Variants in RSF1 observed in about 807,000 individuals in gnomAD.
RSF1 encodes remodeling and spacing factor 1.
In RSF1, 13 loss-of-function variants were observed where a neutral mutation model predicts 145.2. The ratio of observed to expected loss-of-function variants is 0.09; its 90% CI spans 0.06 to 0.14. RSF1 has a LOEUF of 0.14. Ranked by LOEUF, RSF1 falls within the 10% of genes least tolerant of loss-of-function variation. RSF1 has a pLI of 1.00. For synonymous variants in RSF1, 577 were observed against 592.6 expected (o/e 0.97, Z 0.38); for missense variants, 1,517 against 1,718.2 (o/e 0.88, Z 2.07).
the RSF1 span, among the ~76,000 whole-genome samples, chr11:77,827,701 G>A: frequency 2.0e-5 from 3 of 152,080 alleles, no homozygotes; most frequent in South Asian, 6.2e-4. Flanking sequence ...CCCTCCTAAG[G>A]TCAGGAACAA....
the RSF1 span, chr11:77,869,864 T>G: frequency 3.0e-5 from 46 of 1,558,808 alleles, no homozygotes; most frequent in African/African-American, 4.1e-5. Flanking sequence ...TGGGGATCTC[T>G]TGGGCCTTTG....
intron 5 of RSF1, among the ~76,000 whole-genome samples, chr11:77,704,231 G>A (rs1176561546): frequency 2.0e-5 from 3 of 152,122 alleles, no homozygotes; most frequent in African/African-American, 7.2e-5. Context: ...GGAGTTCAAG[G>A]TTAACCCTGA....
At chr11:77,704,861 T>C (rs573176325) in intron 5 of RSF1, among the ~76,000 whole-genome samples, 49 of 151,610 alleles carry the variant, frequency 3.2e-4, no homozygotes, top group African/African-American at 1.2e-3. Flanking sequence ...CAAGCGATTC[T>C]CTTGCCTCAG....
At chr11:77,854,719 C>T in the RSF1 span, among the ~76,000 whole-genome samples, 1 of 152,138 alleles carries the variant, frequency 6.6e-6, no homozygotes, top group African/African-American at 2.4e-5. Context: ...ATGGTGCAAG[C>T]CGTTGGTGGA....
chr11:77,857,758 G>A, the RSF1 span, among the ~76,000 whole-genome samples: 8 of 150,390 alleles, frequency 5.3e-5, no homozygotes, highest in African/African-American at 9.8e-5. Context: ...GGGCATTGGC[G>A]TAATCTTGGC....
At chr11:77,789,750 C>G (rs1948498008) in intron 1 of RSF1, among the ~76,000 whole-genome samples, 1 of 152,242 alleles carries the variant, frequency 6.6e-6, no homozygotes, top group South Asian at 2.1e-4. Flanking sequence ...CCTGCACACA[C>G]CAACAGGGAG....
At chr11:77,810,445 C>A (rs1253796687) in intron 1 of RSF1, among the ~76,000 whole-genome samples, 1 of 152,218 alleles carries the variant, frequency 6.6e-6, no homozygotes, top group East Asian at 1.9e-4. Context: ...GTAATTAATA[C>A]TAAAACAGTT....
At chr11:77,688,538 G>A (rs1960068897) in intron 9 of RSF1, among the ~76,000 whole-genome samples, 1 of 152,152 alleles carries the variant, frequency 6.6e-6, no homozygotes, top group African/African-American at 2.4e-5. Context: ...CATCAAAATA[G>A]TCCTAGTAAT....
chr11:77,726,953 A>C lies in RSF1; in HGVS notation c.579-1254T>G, dbSNP rs114636689. Among the ~76,000 whole-genome samples, 443 of 152,302 alleles carry C rather than the reference A, an allele frequency of 2.9e-3. 1 individual carries two copies. The highest frequency in any genetic ancestry group is 0.01 in the African/African-American group (424 of 41,568). On this transcript the variant is annotated intron_variant, in intron 4 of 15. Transcript: ENST00000308488. ...GAACAGATTCTCTTGAGTATTACTAAATTGGTCTTCTAAATAAAGCAGTAA... is the reference window on the plus strand; with the variant it reads ...GAACAGATTCTCTTGAGTATTACTACATTGGTCTTCTAAATAAAGCAGTAA...
At chr11:77,672,429 T>C (rs867690355) in intron 14 of RSF1, among the ~76,000 whole-genome samples, 199 bp from the exon 15 acceptor site, 29 of 152,136 alleles carry the variant, frequency 1.9e-4, no homozygotes, top group Non-Finnish European at 3.5e-4. Context: ...TGAACATGAC[T>C]CACTACAGCC....
intron 5 of RSF1, among the ~76,000 whole-genome samples, chr11:77,717,315 A>G (rs182679812): frequency 7.2e-5 from 11 of 152,284 alleles, no homozygotes; most frequent in Non-Finnish European, 1.5e-5. Context: ...TAGAAGAGAT[A>G]TTGGCTTCCA....
the RSF1 span, among the ~76,000 whole-genome samples, chr11:77,861,565 A>C: frequency 6.6e-6 from 1 of 152,136 alleles, no homozygotes; most frequent in Non-Finnish European, 1.5e-5. Context: ...ATGGCTTCTG[A>C]CTCAGAGGAC....
chr11:77,674,909 G>A, intron 14 of RSF1, 127 bp downstream of exon 14: 1 of 666,642 alleles, frequency 1.5e-6, no homozygotes, highest in Non-Finnish European at 2.5e-6. Context: ...TGAGGTAGGA[G>A]AATCGCTTGA....
intron 4 of RSF1, among the ~76,000 whole-genome samples, chr11:77,737,717 A>ATT (rs1461679364): frequency 1.1e-5 from 1 of 89,448 alleles, no homozygotes; most frequent in Non-Finnish European, 2.4e-5. Context: ...ATGGTCAAGC[A>ATT]TGAGAAGAGG....
At position 77,740,986 on chromosome 11, in the gene RSF1, A is replaced by G. The variant is rs1398557897; in HGVS notation, c.373-50T>C. 3.1e-6 allele frequency: 4 copies of G among 1,307,224 alleles called. No homozygotes were observed. In the East Asian group the frequency reaches 9.5e-5, roughly 31 times the overall value. 81.0% of individuals were successfully genotyped at this position (1,307,224 alleles called of 1,614,324 possible). A position where few individuals can be genotyped will look rare whatever the true frequency, so the allele number is the denominator to read the frequency against. On this transcript the variant is annotated intron_variant, in intron 3 of 15. Transcript: ENST00000308488. ...TAAAATACCTCACAAATATTTCTCC[A>G]TCACAGTAAATATGATACAACCGTA...
chr11:77,868,097 C>A, the RSF1 span, among the ~76,000 whole-genome samples: 1 of 149,966 alleles, frequency 6.7e-6, no homozygotes, highest in Non-Finnish European at 1.5e-5. Context: ...GTTCTATCGC[C>A]CAGGCTGGAG....
intron 5 of RSF1, among the ~76,000 whole-genome samples, chr11:77,719,391 T>C (rs1172106946): frequency 1.3e-5 from 2 of 152,092 alleles, no homozygotes; most frequent in Admixed American, 1.3e-4. Context: ...TTAACTACAC[T>C]GTAAGAAAAA....
At chr11:77,830,341 T>A in the RSF1 span, among the ~76,000 whole-genome samples, 1 of 152,168 alleles carries the variant, frequency 6.6e-6, no homozygotes, top group Non-Finnish European at 1.5e-5. Context: ...GATACTGCCC[T>A]GCCACCAAAA....
intron 1 of RSF1, among the ~76,000 whole-genome samples, chr11:77,792,390 T>C (rs1948526362): frequency 6.6e-6 from 1 of 152,128 alleles, no homozygotes; most frequent in South Asian, 2.1e-4. Context: ...CATGCTGCCC[T>C]ACTGGCATCT....
Sources: allele counts gnomAD v4.1 joint callset (sites outside exome capture counted in the v4.1 genomes callset), GRCh38; gene constraint gnomAD v4.1.1; transcripts MANE v1.5; gene names NCBI Gene and HGNC (gene_info 2026-07-23, HGNC 2026-07-21).